The following KLHL1 variants were observed in gnomAD, a reference collection of about 807,000 sequenced individuals.
KLHL1 encodes kelch-like protein 1.
A neutral mutation model predicts 77.7 loss-of-function variants in KLHL1; 47 were observed. The ratio of observed to expected loss-of-function variants is 0.60; its 90% CI spans 0.48 to 0.77. KLHL1 has a LOEUF of 0.77. KLHL1 is among the 30% of genes least tolerant of loss of function. KLHL1 has a pLI of 0.00. For missense variants in KLHL1, 925 were observed against 910.8 expected, an observed-to-expected ratio of 1.02 and a Z score of -0.20; for synonymous variants, 360 against 325.2, an observed-to-expected ratio of 1.11 and a Z score of -1.15.
chr13:69,886,274 T>G (rs1881214025), intron 4 of KLHL1, among the ~76,000 whole-genome samples: 1 of 152,210 alleles, frequency 6.6e-6, no homozygotes, highest in South Asian at 2.1e-4. Context: ...AAATAAAGAC[T>G]AAACTACTAT....
chr13:69,998,817 A>G (rs1443271925), intron 1 of KLHL1, among the ~76,000 whole-genome samples: 1 of 152,030 alleles, frequency 6.6e-6, no homozygotes, highest in Non-Finnish European at 1.5e-5. Flanking sequence ...TGAAGGCTCA[A>G]CTGCAAAAGA....
chr13:70,022,453 G>T (rs1347740500), intron 1 of KLHL1, among the ~76,000 whole-genome samples: 1 of 151,752 alleles, frequency 6.6e-6, no homozygotes, highest in East Asian at 1.9e-4. Context: ...AAAATATTCT[G>T]TGGCATGGTC....
At chr13:69,972,549 C>T (rs1884416823) in intron 2 of KLHL1, among the ~76,000 whole-genome samples, 2 of 151,672 alleles carry the variant, frequency 1.3e-5, no homozygotes, top group Admixed American at 1.3e-4. Context: ...AAAAAGCCAC[C>T]CCTTCTTTCC....
chr13:69,918,936 C>T (rs565294260), intron 4 of KLHL1, among the ~76,000 whole-genome samples: 2 of 152,206 alleles, frequency 1.3e-5, no homozygotes, highest in African/African-American at 2.4e-5. Flanking sequence ...AGATTTTTGT[C>T]CTTACACAAC....
chr13:69,719,595 T>A lies in KLHL1; in HGVS notation c.1803-14A>T, dbSNP rs1872949944. ...ACTGAATACAACCTAAAAACACAAT[T>A]GGAAAAATGTGATTTAATATCATAG... is the stretch of plus-strand genomic sequence containing the variant. On this transcript the variant is annotated splice_polypyrimidine_tract_variant and intron_variant, in intron 8 of 10. Coordinates refer to ENST00000377844, the MANE Select transcript of KLHL1 (RefSeq NM_020866.3). 2 of 1,595,092 alleles carry A rather than the reference T, an allele frequency of 1.3e-6. No homozygotes were observed. The highest frequency in any genetic ancestry group is 1.7e-6 in the Non-Finnish European group (2 of 1,164,792).
At chr13:69,733,126 T>C (rs2137917499) in intron 8 of KLHL1, among the ~76,000 whole-genome samples, 1 of 152,202 alleles carries the variant, frequency 6.6e-6, no homozygotes, top group East Asian at 1.9e-4. Flanking sequence ...AACTGATAAA[T>C]GACTGTTCTG....
intron 7 of KLHL1, among the ~76,000 whole-genome samples, chr13:69,789,955 AGCATCCAGCGTC>A (rs1465245659): frequency 2.0e-5 from 3 of 152,082 alleles, no homozygotes; most frequent in African/African-American, 7.2e-5. Flanking sequence ...CGCCAGCTGA[AGCATCCAGCGTC>A]TTTCCATAGA....
At chr13:69,825,999 GATTT>G (rs1878529716) in intron 6 of KLHL1, among the ~76,000 whole-genome samples, 2 of 150,066 alleles carry the variant, frequency 1.3e-5, no homozygotes, top group African/African-American at 4.9e-5. Flanking sequence ...GAAAAAAAAA[GATTT>G]ATTTATTTTG....
chr13:69,721,089 A>ATATATATATATATATATACAAATT (rs1256189383), intron 8 of KLHL1, among the ~76,000 whole-genome samples: 6 of 77,984 alleles, frequency 7.7e-5, no homozygotes, highest in Non-Finnish European at 1.4e-4. Context: ...AAAGCTATGT[A>ATATATATATATATATATACAAATT]CCTCCCTTAC....
chr13:69,955,345 A>C (rs991537532), intron 3 of KLHL1, among the ~76,000 whole-genome samples: 1 of 151,396 alleles, frequency 6.6e-6, no homozygotes, highest in Non-Finnish European at 1.5e-5. Context: ...CTTAGCAGGT[A>C]CAAAGACTTT....
rs182798661 is a variant in KLHL1 at position 69,809,823 on chromosome 13, G to A, written c.1415-12861C>T. ...TCCAGAGACCCATCTGATGTGTAAT[G>A]AGAGCCATAGGTTCAAAGTAAAGAG... On this transcript the variant is annotated intron_variant, in intron 6 of 10. Coordinates refer to ENST00000377844, the MANE Select transcript of KLHL1 (RefSeq NM_020866.3). Among the ~76,000 whole-genome samples the A allele has an allele frequency of 1.4e-3, 206 of 151,744 alleles. 1 individual carries two copies. The East Asian group carries it at 0.016, about 12-fold the overall frequency.
chr13:70,102,413 C>T (rs1887943004), intron 1 of KLHL1, among the ~76,000 whole-genome samples: 1 of 152,104 alleles, frequency 6.6e-6, no homozygotes, highest in Non-Finnish European at 1.5e-5. Flanking sequence ...CTAACTTGGG[C>T]TAAGAAGTCA....
At chr13:70,073,795 A>G (rs1374127802) in intron 1 of KLHL1, among the ~76,000 whole-genome samples, 1 of 151,766 alleles carries the variant, frequency 6.6e-6, no homozygotes, top group African/African-American at 2.4e-5. Context: ...TAAAAAGAAA[A>G]AGAAAAATTG....
intron 6 of KLHL1, among the ~76,000 whole-genome samples, chr13:69,832,607 G>A (rs1233069991): frequency 1.5e-5 from 2 of 135,506 alleles, no homozygotes; most frequent in Non-Finnish European, 3.2e-5. Context: ...TAAACCTCAC[G>A]TGGAATCAAA....
intron 8 of KLHL1, among the ~76,000 whole-genome samples, chr13:69,721,079 A>AT (rs1555300737): frequency 3.7e-4 from 25 of 67,610 alleles, no homozygotes; most frequent in African/African-American, 5.0e-4. Flanking sequence ...ATATATATAT[A>AT]AAGCTATGTA....
chr13:69,801,987 T>C (rs12431195), intron 6 of KLHL1, among the ~76,000 whole-genome samples: 51,421 of 151,928 alleles, frequency 0.34, 8,837 homozygotes, highest in Non-Finnish European at 0.36. Flanking sequence ...AGGTTTTAAG[T>C]CCCACATGCA....
chr13:69,923,430 T>C (rs1304117064), intron 4 of KLHL1, among the ~76,000 whole-genome samples: 1 of 152,182 alleles, frequency 6.6e-6, no homozygotes, highest in African/African-American at 2.4e-5. Context: ...AAAGTTCTTG[T>C]CTTCTTGAAA....
chr13:70,059,443 T>C (rs1391643295), intron 1 of KLHL1, among the ~76,000 whole-genome samples: 3 of 152,148 alleles, frequency 2.0e-5, no homozygotes, highest in Non-Finnish European at 2.9e-5. Flanking sequence ...CTGGTGAGAT[T>C]ATGAGCATGA....
intron 1 of KLHL1, among the ~76,000 whole-genome samples, chr13:70,016,413 G>A (rs1307116360): frequency 6.6e-6 from 1 of 152,230 alleles, no homozygotes; most frequent in Non-Finnish European, 1.5e-5. Flanking sequence ...GGGGGCCCAG[G>A]AAGACCCCCT....
Sources: gnomAD v4.1 joint callset for allele counts (sites outside exome capture counted in the v4.1 genomes callset) on GRCh38, gnomAD v4.1.1 for gene constraint, MANE v1.5 for transcripts, NCBI Gene and HGNC (gene_info 2026-07-23, HGNC 2026-07-21) for gene names.